The following GPX3 variants were observed in gnomAD, a reference collection of about 807,000 sequenced individuals.
The protein encoded by GPX3 is GPx-3.
In GPX3, 22 loss-of-function variants were observed where a neutral mutation model predicts 25.1. The observed-to-expected ratio is 0.88, with a 90% confidence interval of 0.63 to 1.25. The LOEUF (loss-of-function observed/expected upper bound fraction) is 1.25. Ranked by LOEUF, GPX3 falls within the 50% of genes most tolerant of loss-of-function variation. The pLI, the probability that GPX3 is intolerant of heterozygous loss-of-function variation, is 0.00. For synonymous variants in GPX3, 110 were observed against 114.5 expected (o/e 0.96, Z 0.25); for missense variants, 278 against 286.6 (o/e 0.97, Z 0.22).
Position 151,026,953 on chromosome 5 carries a change from T to C in GPX3, c.295T>C (p.Phe99Leu). 1 of 1,614,188 alleles carries C rather than the reference T, an allele frequency of 6.2e-7. No individual in the cohort carries two copies. Among genetic ancestry groups the C allele is most frequent in the Non-Finnish European group, 8.5e-7 (1 of 1,180,016 alleles). ...LAPFGLVILG[F>L]PCNQFGKQEP... ...ACCATTCGGTCTGGTCATTCTGGGC[T>C]TTCCCTGCAACCAATTTGGAAAACA... Residue 99 changes from phenylalanine (F) to leucine (L), a missense_variant, in exon 3 of 5, where the codon TTT becomes CTT. Phe to Leu is a conservative substitution (Grantham distance 22, BLOSUM62 0). Coordinates refer to ENST00000388825, the MANE Select transcript of GPX3 (RefSeq NM_002084.5).
intron 1 of GPX3, chr5:151,020,970 C>A: frequency 5.0e-6 from 3 of 601,198 alleles, no homozygotes; most frequent in Non-Finnish European, 9.1e-6. Context: ...GTGCTTCAGG[C>A]GGGCAGAATG....
chr5:151,027,502 A>G lies in GPX3; in HGVS notation c.430A>G (p.Lys144Glu). 1 of 1,612,826 alleles carries G rather than the reference A, an allele frequency of 6.2e-7. No individual in the cohort carries two copies. The highest frequency in any genetic ancestry group is 1.7e-5 in the Admixed American group (1 of 60,022). The stretch of plus-strand genomic sequence containing the variant: ...TGAGAAAGGGGATGTCAATGGAGAG[A>G]AAGAGCAGAAATTCTACACTTTCCT... ...LFEKGDVNGE[K>E]EQKFYTFLKN... Residue 144 changes from lysine to glutamate, a missense_variant, in exon 4 of 5, where the codon AAA becomes GAA. By Grantham distance (56) the Lys-to-Glu change is moderately conservative. Transcript: ENST00000388825.
At chr5:151,027,857 G>T in intron 4 of GPX3, 52 bp from the exon 5 acceptor site, 2 of 1,454,264 alleles carry the variant, frequency 1.4e-6, no homozygotes, top group Non-Finnish European at 9.7e-7. Flanking sequence ...TGGGAAGGAA[G>T]AGGGTCAGGG....
Position 151,020,684 on chromosome 5 carries a change from G to C in GPX3, c.30G>C (p.Leu10=), listed in dbSNP as rs1756459233. The C allele has an allele frequency of 1.2e-6, 2 of 1,611,438 alleles. No homozygotes were observed. Among genetic ancestry groups the C allele is most frequent in the African/African-American group, 2.7e-5 (2 of 74,924 alleles). Residue 10 remains leucine (L), a synonymous_variant, in exon 1 of 5, where the codon CTG becomes CTC. Coordinates refer to ENST00000388825, the MANE Select transcript of GPX3 (RefSeq NM_002084.5). ...CCCGGCTGCTGCAGGCGTCCTGCCT[G>C]CTTTCCCTGCTCCTGGCCGGCTTCG... is the stretch of plus-strand genomic sequence containing the variant. MARLLQASC[L]LSLLLAGFVS... is the part of the protein sequence containing the mutation.
At position 151,026,922 on chromosome 5, in the gene GPX3, G is replaced by C. The variant is rs1329040689; in HGVS notation, c.264G>C (p.Glu88Asp). 34 of 1,613,926 alleles carry C rather than the reference G, an allele frequency of 2.1e-5. No homozygotes were observed. Among genetic ancestry groups the C allele is most frequent in the Non-Finnish European group, 2.5e-5 (30 of 1,179,912 alleles). Residue 88 changes from glutamate (E) to aspartate (D), a missense_variant, in exon 3 of 5, where the codon GAG (glutamate) becomes GAC (aspartate). By Grantham distance (45) the Glu-to-Asp change is conservative (BLOSUM62 2). Transcript: ENST00000388825. Reference protein sequence around the residue: ...QYIELNALQEELAPFGLVILG... With the variant: ...QYIELNALQEDLAPFGLVILG... ...CAGAACTGAATGCACTACAGGAAGA[G>C]CTTGCACCATTCGGTCTGGTCATTC...
At chr5:151,024,569 T>C (rs1302415478) in intron 1 of GPX3, among the ~76,000 whole-genome samples, 1 of 152,164 alleles carries the variant, frequency 6.6e-6, no homozygotes, top group Non-Finnish European at 1.5e-5. Context: ...CAGCCCACAG[T>C]CCACTGCACT....
At chr5:151,021,938 C>G (rs183680008) in intron 1 of GPX3, 5 of 152,346 alleles carry the variant, frequency 3.3e-5, no homozygotes, top group Admixed American at 3.3e-4. Flanking sequence ...ATTCCGTTTC[C>G]AAAATTCTGT....
intron 1 of GPX3, among the ~76,000 whole-genome samples, chr5:151,023,987 C>T (rs1395200185): frequency 6.6e-6 from 1 of 152,234 alleles, no homozygotes; most frequent in South Asian, 2.1e-4. Flanking sequence ...GGGCCACGCC[C>T]TGCCAGCATA....
rs1756534592 is a variant in GPX3, at chr5:151,025,490, A to G, written c.238A>G (p.Ile80Val). The change falls in exon 2 of 5, where the codon ATT (isoleucine) becomes GTT (valine). Residue 80 changes from isoleucine (I) to valine (V), a missense_variant. Coordinates refer to ENST00000388825, the MANE Select transcript of GPX3 (RefSeq NM_002084.5). ...CTACTGAGGCCTGACGGGCCAGTAC[A>G]TTGGTAAGAGCCCACCCTTCCTCCC... ...ASYUGLTGQYIELNALQEELA... is the reference protein window; with the variant it reads ...ASYUGLTGQYVELNALQEELA... 3 of 1,604,508 alleles carry G rather than the reference A, an allele frequency of 1.9e-6. No homozygotes were observed. The highest frequency in any genetic ancestry group is 2.6e-6 in the Non-Finnish European group (3 of 1,175,654).
intron 1 of GPX3, among the ~76,000 whole-genome samples, chr5:151,024,680 A>T (rs1433704661): frequency 1.3e-5 from 2 of 152,184 alleles, no homozygotes; most frequent in Non-Finnish European, 2.9e-5. Context: ...ACATTAACAC[A>T]TGCAGGTACT....
At chr5:151,020,810 A>G in intron 1 of GPX3, 69 bp downstream of exon 1, 1 of 1,380,606 alleles carries the variant, frequency 7.2e-7, no homozygotes, top group Non-Finnish European at 1.0e-6. Context: ...GCTCAGTGCA[A>G]TGCACCCCTT....
intron 1 of GPX3, among the ~76,000 whole-genome samples, chr5:151,023,081 T>G (rs1261460369): frequency 6.6e-6 from 1 of 152,044 alleles, no homozygotes; most frequent in Non-Finnish European, 1.5e-5. Flanking sequence ...AGTCCCATCA[T>G]CCAACTCTCA....
Position 151,028,238 on chromosome 5 carries a change from C to T in GPX3, c.*108C>T. On this transcript the variant is annotated 3_prime_UTR_variant, in exon 5 of 5. Transcript: ENST00000388825. ...TACCCATCACAGACCCCTTTCCTAT[C>T]ACTCAAGGCCCCAGCCTGGCACAAA... 1 of 970,650 alleles carries T rather than the reference C, an allele frequency of 1.0e-6. No homozygotes were observed. The allele number at this position is 970,650 out of a possible 1,614,324, so 60.1% of individuals were successfully genotyped here.
At position 151,028,003 on chromosome 5, in the gene GPX3, A is replaced by C; in HGVS notation, c.554A>C (p.Lys185Thr). Residue 185 changes from lysine (K) to threonine (T), a missense_variant, in exon 5 of 5, where the codon AAG (lysine) becomes ACG (threonine). Physicochemically the swap from Lys to Thr is moderately conservative, Grantham distance 78 (BLOSUM62 -1). Coordinates refer to ENST00000388825, the MANE Select transcript of GPX3 (RefSeq NM_002084.5). ...KVHDIRWNFEKFLVGPDGIPI... is the reference protein window; with the variant it reads ...KVHDIRWNFETFLVGPDGIPI... ...CACGACATCCGCTGGAACTTTGAGAAGTTCCTGGTGGGGCCAGATGGTATA... is the reference window on the plus strand; with the variant it reads ...CACGACATCCGCTGGAACTTTGAGACGTTCCTGGTGGGGCCAGATGGTATA... 1 of 1,614,220 alleles carries C rather than the reference A, an allele frequency of 6.2e-7. No homozygotes were observed. The highest frequency in any genetic ancestry group is 2.2e-5 in the East Asian group (1 of 44,884).
chr5:151,027,089 T>C (rs1033303537), intron 3 of GPX3, 72 bp downstream of exon 3: 5 of 994,150 alleles, frequency 5.0e-6, no homozygotes, highest in South Asian at 4.2e-5. Context: ...CCCCAAATCA[T>C]GGTGGACATT....
Sources: gnomAD v4.1 joint callset for allele counts (sites outside exome capture counted in the v4.1 genomes callset) on GRCh38, gnomAD v4.1.1 for gene constraint, MANE v1.5 for transcripts, NCBI Gene and HGNC (gene_info 2026-07-23, HGNC 2026-07-21) for gene names.